Variants in FGD4 observed in about 807,000 individuals in gnomAD.
FGD4 encodes the protein FYVE, RhoGEF and PH domain containing 4, also known as FYVE, RhoGEF and PH domain-containing protein 4.
Under a neutral mutation model 102.0 loss-of-function variants are expected in FGD4, and 42 were observed. That is an observed-to-expected ratio of 0.41 (90% CI 0.32 to 0.53). The LOEUF (loss-of-function observed/expected upper bound fraction) is 0.53. Among genes scored for constraint, FGD4 ranks in the 20% least tolerant of loss-of-function variants. The pLI is 0.21. For missense variants in FGD4, 902 were observed against 1,078.2 expected (o/e 0.84, Z 2.29); for synonymous variants, 380 against 375.7 (o/e 1.01, Z -0.13).
intron 1 of FGD4, among the ~76,000 whole-genome samples, chr12:32,411,229 G>A (rs988670743): frequency 1.3e-5 from 2 of 151,776 alleles, no homozygotes; most frequent in East Asian, 2.0e-4. Flanking sequence ...GCGCCCGGCC[G>A]CTCATTTGTA....
rs549739934 is a variant in FGD4 at position 32,400,185 on chromosome 12, G to C, written c.166+226G>C. 5.3e-5 allele frequency among the ~76,000 whole-genome samples: 8 copies of C among 152,346 alleles called. No homozygotes were observed. The East Asian group carries it at 1.5e-3, about 29-fold the overall frequency. On this transcript the variant is annotated intron_variant, in intron 1 of 16. Coordinates refer to ENST00000534526, the MANE Select transcript of FGD4 (RefSeq NM_001370298.3). ...CCCGCCTACCGCCGAGCTTGTCCTG[G>C]AGGTCACTTCTCAGAAAATTCAGAA...
intron 5 of FGD4, among the ~76,000 whole-genome samples, chr12:32,599,007 A>G (rs1177711107): frequency 6.6e-6 from 1 of 152,164 alleles, no homozygotes; most frequent in Non-Finnish European, 1.5e-5. Context: ...TGGTGTAGTC[A>G]TAGGGCCAGA....
chr12:32,604,395 C>T (rs1189049523), intron 7 of FGD4, among the ~76,000 whole-genome samples: 1 of 152,026 alleles, frequency 6.6e-6, no homozygotes, highest in Admixed American at 6.6e-5. Flanking sequence ...TGCTGTGTTG[C>T]CTAGGCTGGC....
At chr12:32,616,231 G>A (rs113171273) in intron 10 of FGD4, among the ~76,000 whole-genome samples, 2,758 of 152,184 alleles carry the variant, frequency 0.018, 32 homozygotes, top group Non-Finnish European at 0.027. Context: ...TTCACTTCTG[G>A]GAGTTGTTTT....
intron 1 of FGD4, among the ~76,000 whole-genome samples, chr12:32,505,655 G>A (rs1464962120): frequency 6.6e-6 from 1 of 152,206 alleles, no homozygotes; most frequent in Non-Finnish European, 1.5e-5. Context: ...ATAGCTTGAT[G>A]GAGTTACATG....
intron 5 of FGD4, 30 bp from the exon 6 acceptor site, chr12:32,601,248 A>G: frequency 6.2e-7 from 1 of 1,606,428 alleles, no homozygotes; most frequent in South Asian, 1.1e-5. Context: ...AATAAATGTG[A>G]AGTAATGCTT....
At chr12:32,541,511 G>A (rs1043275557) in intron 1 of FGD4, among the ~76,000 whole-genome samples, 2 of 152,016 alleles carry the variant, frequency 1.3e-5, no homozygotes, top group Non-Finnish European at 2.9e-5. Context: ...GATTAGAGGC[G>A]CCTGCCACCA....
intron 1 of FGD4, among the ~76,000 whole-genome samples, chr12:32,483,577 T>G (rs1224702675): frequency 1.3e-5 from 2 of 152,220 alleles, no homozygotes. Context: ...AGGATCCTTC[T>G]GGCCCTGGTT....
intron 4 of FGD4, among the ~76,000 whole-genome samples, chr12:32,586,956 C>T (rs1277942384): frequency 6.6e-6 from 1 of 152,010 alleles, no homozygotes; most frequent in African/African-American, 2.4e-5. Context: ...TTTGGGAGGC[C>T]AAGGTAGGGG....
chr12:32,420,821 A>G (rs1447140440), intron 1 of FGD4, among the ~76,000 whole-genome samples: 1 of 152,164 alleles, frequency 6.6e-6, no homozygotes, highest in Non-Finnish European at 1.5e-5. Flanking sequence ...CAGGGGCTCA[A>G]TAGATATTGA....
chr12:32,615,354 T>C lies in FGD4; in HGVS notation c.1749+4071T>C, dbSNP rs117540905. On this transcript the variant is annotated intron_variant, in intron 10 of 16. Coordinates refer to ENST00000534526, the MANE Select transcript of FGD4 (RefSeq NM_001370298.3). The stretch of plus-strand genomic sequence containing the variant: ...GATATGAGGTTTCCTTTTAGAGACA[T>C]AAAATGTTCTGGAATTGGTGATAGT... Among the ~76,000 whole-genome samples, 1,466 of 152,310 alleles carry C rather than the reference T, an allele frequency of 9.6e-3. 15 individuals are homozygous for C. Among genetic ancestry groups the C allele is most frequent in the Non-Finnish European group, 0.015 (1,032 of 68,026 alleles).
rs1453878875 is a variant in FGD4, at chr12:32,598,489, A to G, written c.1012-8A>G. 6.2e-7 allele frequency: 1 copy of G among 1,603,134 alleles called. No individual in the cohort carries two copies. Among genetic ancestry groups the G allele is most frequent in the Non-Finnish European group, 8.5e-7 (1 of 1,172,474 alleles). ...TTCCTAATGTGTGAATATCTTTCCAATTTTTAGGAGACTAATGAGCAAAAA... is the reference window on the plus strand; with the variant it reads ...TTCCTAATGTGTGAATATCTTTCCAGTTTTTAGGAGACTAATGAGCAAAAA... On this transcript the variant is annotated splice_region_variant and splice_polypyrimidine_tract_variant and intron_variant, in intron 4 of 16. Transcript: ENST00000534526.
chr12:32,419,928 C>T (rs1941568400), intron 1 of FGD4, among the ~76,000 whole-genome samples: 1 of 152,216 alleles, frequency 6.6e-6, no homozygotes, highest in Non-Finnish European at 1.5e-5. Flanking sequence ...CGTGTGGCCA[C>T]TGCTGGGAGA....
chr12:32,509,085 T>A (rs1182863650), intron 1 of FGD4, among the ~76,000 whole-genome samples: 4 of 152,190 alleles, frequency 2.6e-5, no homozygotes, highest in Non-Finnish European at 5.9e-5. Flanking sequence ...AATCTTTAAC[T>A]AATATTTGAG....
intron 1 of FGD4, among the ~76,000 whole-genome samples, chr12:32,563,847 G>A (rs1032703235): frequency 6.6e-6 from 1 of 152,136 alleles, no homozygotes; most frequent in African/African-American, 2.4e-5. Context: ...AAAAAAGTAC[G>A]AAAACCAATC....
chr12:32,581,351 C>T (rs1006713962), intron 3 of FGD4, among the ~76,000 whole-genome samples: 2 of 152,070 alleles, frequency 1.3e-5, no homozygotes, highest in Non-Finnish European at 2.9e-5. Flanking sequence ...TGAGGAAGCC[C>T]TCAGAGTTTG....
intron 1 of FGD4, among the ~76,000 whole-genome samples, chr12:32,513,516 G>A (rs1482869047): frequency 5.3e-5 from 8 of 152,116 alleles, no homozygotes; most frequent in South Asian, 2.1e-4. Context: ...ATGGAACTGC[G>A]GAGGAGGGGC....
At chr12:32,626,065 A>G (rs555296671) in intron 14 of FGD4, among the ~76,000 whole-genome samples, 3 of 152,358 alleles carry the variant, frequency 2.0e-5, no homozygotes, top group South Asian at 2.1e-4. Flanking sequence ...AATGGACAGT[A>G]TTAGTAACAG....
Position 32,585,579 on chromosome 12 carries a change from C to A in FGD4, c.1011+3112C>A, listed in dbSNP as rs540984497. On this transcript the variant is annotated intron_variant, in intron 4 of 16. Coordinates refer to ENST00000534526, the MANE Select transcript of FGD4 (RefSeq NM_001370298.3). ...GGCCAGGTGCAGTGGCTCACACTTG[C>A]TATCCCAGCACTTTGGGAGGCTACG... Among the ~76,000 whole-genome samples the A allele has an allele frequency of 1.1e-4, 16 of 151,872 alleles. No homozygotes were observed. In the South Asian group the frequency reaches 3.3e-3, roughly 32 times the overall value.
Sources: gnomAD v4.1 joint callset for allele counts (sites outside exome capture counted in the v4.1 genomes callset) on GRCh38, gnomAD v4.1.1 for gene constraint, MANE v1.5 for transcripts, NCBI Gene and HGNC (gene_info 2026-07-23, HGNC 2026-07-21) for gene names.